TAFA5: variants seen among roughly 807,000 people sequenced by gnomAD.
TAFA5 encodes TAFA chemokine like family member 5.
Under a neutral mutation model 15.3 loss-of-function variants are expected in TAFA5, and 6 were observed. That is an observed-to-expected ratio of 0.39 (90% CI 0.21 to 0.77). The LOEUF (loss-of-function observed/expected upper bound fraction) is 0.77. Ranked by LOEUF, TAFA5 falls within the 30% of genes least tolerant of loss-of-function variation. The pLI, the probability that TAFA5 is intolerant of heterozygous loss-of-function variation, is 0.41. For missense variants in TAFA5, 161 were observed against 193.1 expected (o/e 0.83, Z 0.98); for synonymous variants, 103 against 80.7 (o/e 1.28, Z -1.48).
chr22:48,648,252 C>A (rs1204828747), intron 2 of TAFA5, among the ~76,000 whole-genome samples: 1 of 152,180 alleles, frequency 6.6e-6, no homozygotes, highest in Admixed American at 6.5e-5. Context: ...CCCTGCCAGG[C>A]CTCCCAGGGC....
chr22:48,506,518 C>T (rs1921001497), intron 1 of TAFA5, among the ~76,000 whole-genome samples: 1 of 152,194 alleles, frequency 6.6e-6, no homozygotes. Context: ...TCTGAGACCA[C>T]AGGGGTGACA....
At chr22:48,626,765 T>G (rs1417508658) in intron 1 of TAFA5, among the ~76,000 whole-genome samples, 1 of 152,258 alleles carries the variant, frequency 6.6e-6, no homozygotes, top group Admixed American at 6.5e-5. Flanking sequence ...ATCACCCAAT[T>G]CAAGGCTCCA....
intron 1 of TAFA5, among the ~76,000 whole-genome samples, chr22:48,634,308 A>G (rs1309646169): frequency 6.6e-6 from 1 of 151,620 alleles, no homozygotes; most frequent in Non-Finnish European, 1.5e-5. Flanking sequence ...TCACTTATTC[A>G]CTCATTTATT....
chr22:48,628,076 C>T (rs1235933880), intron 1 of TAFA5, among the ~76,000 whole-genome samples: 1 of 152,190 alleles, frequency 6.6e-6, no homozygotes, highest in East Asian at 1.9e-4. Context: ...CTGGGGTGGG[C>T]ACAGGACGTG....
intron 3 of TAFA5, among the ~76,000 whole-genome samples, chr22:48,747,515 T>A (rs533751035): frequency 7.2e-4 from 110 of 152,172 alleles, no homozygotes; most frequent in African/African-American, 2.6e-3. Context: ...GTCCCAGGGG[T>A]CCGTGGAGGT....
In TAFA5 at chr22:48,712,308, C is replaced by T. The variant is rs146185364; in HGVS notation, c.390+4464C>T. Among the ~76,000 whole-genome samples the T allele has an allele frequency of 1.7e-4, 26 of 152,310 alleles. No individual in the cohort carries two copies. The East Asian group carries it at 4.8e-3, about 28-fold the overall frequency. On this transcript the variant is annotated intron_variant, in intron 3 of 3. Transcript: ENST00000402357. ...CTGACCTCAGGTGATCCATCCGCCT[C>T]GGCCTCCCAAAGTGCTGGGATTACA...
chr22:48,711,152 G>A lies in TAFA5; in HGVS notation c.390+3308G>A, dbSNP rs565418267. Reference sequence around the variant, plus strand: ...GAGTCTGACTGTAGCAGGACACTCCGTCATCCAGCAGAGGAAGGACGGCTG... The same window carrying A: ...GAGTCTGACTGTAGCAGGACACTCCATCATCCAGCAGAGGAAGGACGGCTG... On this transcript the variant is annotated intron_variant, in intron 3 of 3. Coordinates refer to ENST00000402357, the MANE Select transcript of TAFA5 (RefSeq NM_001082967.3). 4.2e-4 allele frequency among the ~76,000 whole-genome samples: 64 copies of A among 152,258 alleles called. 1 individual carries two copies. The South Asian group carries it at 8.5e-3, about 20-fold the overall frequency.
chr22:48,739,395 C>A (rs1930117966), intron 3 of TAFA5, among the ~76,000 whole-genome samples: 1 of 152,172 alleles, frequency 6.6e-6, no homozygotes, highest in African/African-American at 2.4e-5. Flanking sequence ...AGAATACACG[C>A]CTTCCTTTCC....
chr22:48,521,807 T>C (rs1921610370), intron 1 of TAFA5, among the ~76,000 whole-genome samples: 1 of 152,170 alleles, frequency 6.6e-6, no homozygotes, highest in Non-Finnish European at 1.5e-5. Context: ...GCTGTTGAGG[T>C]TCCTTAGCAG....
rs1926977701 is a variant in TAFA5, at chr22:48,649,418, G to T, written c.262+2672G>T. On this transcript the variant is annotated intron_variant, in intron 2 of 3. Transcript: ENST00000402357. ...GCTTGCTGGAGTGGGCTGGAGGAGA[G>T]GGGAGCCATCAGAGGCTTCTGGTGC... Among the ~76,000 whole-genome samples, 3 of 152,202 alleles carry T rather than the reference G, an allele frequency of 2.0e-5. No individual in the cohort carries two copies. In the South Asian group the frequency reaches 6.2e-4, roughly 32 times the overall value.
At chr22:48,562,472 C>A (rs950163845) in intron 1 of TAFA5, among the ~76,000 whole-genome samples, 1 of 152,160 alleles carries the variant, frequency 6.6e-6, no homozygotes, top group African/African-American at 2.4e-5. Context: ...GAAGGGGGCA[C>A]AGGAGGGTCA....
intron 3 of TAFA5, among the ~76,000 whole-genome samples, chr22:48,713,354 G>C (rs1215137999): frequency 6.6e-6 from 1 of 152,234 alleles, no homozygotes; most frequent in Admixed American, 6.5e-5. Context: ...CAGGAGTGTG[G>C]TGTAGTCAGG....
chr22:48,615,208 C>T (rs28685635), intron 1 of TAFA5, among the ~76,000 whole-genome samples: 32,011 of 152,006 alleles, frequency 0.21, 3,481 homozygotes, highest in Non-Finnish European at 0.22. Flanking sequence ...TTGGGGAAGA[C>T]GGGAACAGTG....
chr22:48,635,067 C>T (rs1310140527), intron 1 of TAFA5, among the ~76,000 whole-genome samples: 1 of 152,220 alleles, frequency 6.6e-6, no homozygotes, highest in Admixed American at 6.5e-5. Flanking sequence ...CACCATCCTG[C>T]CCGGGCTGTT....
chr22:48,636,761 C>A (rs914169160), intron 1 of TAFA5, among the ~76,000 whole-genome samples: 13 of 152,226 alleles, frequency 8.5e-5, no homozygotes, highest in African/African-American at 2.9e-4. Context: ...CTGAGGCCTG[C>A]AGCTTGGGGC....
intron 2 of TAFA5, among the ~76,000 whole-genome samples, chr22:48,665,679 A>T (rs373384782): frequency 1.3e-5 from 2 of 152,190 alleles, no homozygotes; most frequent in East Asian, 3.8e-4. Context: ...TAAAGTTCTG[A>T]AACACTTTAG....
At chr22:48,689,362 C>T (rs991728832) in intron 2 of TAFA5, among the ~76,000 whole-genome samples, 3 of 152,102 alleles carry the variant, frequency 2.0e-5, no homozygotes, top group Admixed American at 1.3e-4. Context: ...GGAGCACCCC[C>T]GTCTGCCTTG....
intron 1 of TAFA5, among the ~76,000 whole-genome samples, chr22:48,540,875 T>TA (rs34844674): frequency 0.34 from 44,686 of 129,740 alleles, 7,745 homozygotes; most frequent in Middle Eastern, 0.46. Flanking sequence ...TCATTGACAG[T>TA]AAAAAAAAAA....
intron 1 of TAFA5, among the ~76,000 whole-genome samples, chr22:48,496,983 A>AG (rs1928348646): frequency 6.6e-6 from 1 of 152,178 alleles, no homozygotes. Flanking sequence ...CCCAGCCACC[A>AG]GGGGAGGAGC....
Sources: allele counts gnomAD v4.1 joint callset (sites outside exome capture counted in the v4.1 genomes callset), GRCh38; gene constraint gnomAD v4.1.1; transcripts MANE v1.5; gene names NCBI Gene and HGNC (gene_info 2026-07-23, HGNC 2026-07-21).